Variants in ZC3H14 observed in about 807,000 individuals in gnomAD.
ZC3H14 encodes the protein zinc finger CCCH domain-containing protein 14.
In ZC3H14, 31 loss-of-function variants were observed where a neutral mutation model predicts 92.4. The observed-to-expected ratio is 0.34, with a 90% CI of 0.25 to 0.45. The LOEUF (loss-of-function observed/expected upper bound fraction) is 0.45. ZC3H14 is among the 20% of genes least tolerant of loss of function. The probability of loss-of-function intolerance (pLI) is 1.00; values close to 1 mark genes in which losing one functional copy is unlikely to be tolerated. For synonymous variants in ZC3H14, 321 were observed against 300.9 expected (o/e 1.07, Z -0.69); for missense variants, 781 against 897.3 (o/e 0.87, Z 1.66).
Position 88,612,083 on chromosome 14 carries a change from A to T in ZC3H14, c.*332A>T. On this transcript the variant is annotated 3_prime_UTR_variant, in exon 17 of 17. Transcript: ENST00000251038. Reference sequence around the variant, plus strand: ...ACATCATGGTTAGTCATGGTACTGCAGCTTAGGGGGCTACACGGTTGCTGT... The same window carrying T: ...ACATCATGGTTAGTCATGGTACTGCTGCTTAGGGGGCTACACGGTTGCTGT... 2 of 337,778 alleles carry T rather than the reference A, an allele frequency of 5.9e-6. No individual in the cohort carries two copies. Among genetic ancestry groups the T allele is most frequent in the Non-Finnish European group, 5.5e-6 (1 of 181,924 alleles). 20.9% of individuals were successfully genotyped at this position (337,778 alleles called of 1,614,324 possible).
chr14:88,572,068 G>C lies in ZC3H14; in HGVS notation c.274G>C (p.Asp92His), dbSNP rs758587415. The change falls in exon 5 of 17, where the codon GAT (aspartate) becomes CAT (histidine). Residue 92 changes from aspartate to histidine, a missense_variant. By Grantham distance (81) the Asp-to-His change is moderately conservative. Transcript: ENST00000251038. ...GAAGTCTTCTGATACCAACATCTTT[G>C]ATAGTAACGTGCCTTCAAACAAGAG... ...SLKSSDTNIF[D>H]SNVPSNKSNF... The C allele has an allele frequency of 6.2e-7, 1 of 1,614,104 alleles. No individual in the cohort carries two copies. The highest frequency in any genetic ancestry group is 1.7e-5 in the Admixed American group (1 of 60,014).
intron 12 of ZC3H14, among the ~76,000 whole-genome samples, chr14:88,606,429 G>A (rs892311267): frequency 6.6e-6 from 1 of 152,176 alleles, no homozygotes. Flanking sequence ...GTCTCTGTAA[G>A]TGATGGCATT....
At chr14:88,581,554 C>T (rs2081913342) in intron 9 of ZC3H14, among the ~76,000 whole-genome samples, 2 of 152,004 alleles carry the variant, frequency 1.3e-5, no homozygotes, top group Admixed American at 6.6e-5. Flanking sequence ...GAGTGAGATT[C>T]CGTCTCAAGA....
At chr14:88,607,163 T>G (rs1448290981) in intron 12 of ZC3H14, 80 bp from the exon 13 acceptor site, 1 of 1,603,998 alleles carries the variant, frequency 6.2e-7, no homozygotes, top group Non-Finnish European at 8.5e-7. Context: ...TAAGACAGGT[T>G]TGAGGGAAAT....
intron 12 of ZC3H14, among the ~76,000 whole-genome samples, chr14:88,606,422 T>C (rs1239876153): frequency 6.6e-6 from 1 of 152,184 alleles, no homozygotes; most frequent in Non-Finnish European, 1.5e-5. Flanking sequence ...CTGCCCAGTC[T>C]CTGTAAGTGA....
rs532506660 is a variant in ZC3H14 at position 88,626,723 on chromosome 14, A to G, written c.*14972A>G. On this transcript the variant is annotated 3_prime_UTR_variant, in exon 17 of 17. Coordinates refer to ENST00000251038, the MANE Select transcript of ZC3H14 (RefSeq NM_024824.5). ...GATGAAATATATGCTTGACCAGGGC[A>G]TGTAATGATTAGCAGATCACAGTAT... 93 of 1,001,676 alleles carry G rather than the reference A, an allele frequency of 9.3e-5. No homozygotes were observed. In the Middle Eastern group the frequency reaches 9.5e-4, roughly 10 times the overall value. The allele number at this position is 1,001,676 out of a possible 1,614,324, so 62.0% of individuals were successfully genotyped here. A position where few individuals can be genotyped will look rare whatever the true frequency, so the allele number is the denominator to read the frequency against.
chr14:88,574,569 A>G, intron 6 of ZC3H14, 124 bp from the exon 7 acceptor site: 1 of 1,251,894 alleles, frequency 8.0e-7, no homozygotes, highest in Non-Finnish European at 1.1e-6. Context: ...ACATAAAACC[A>G]AGAAATACTC....
chr14:88,596,672 G>A, intron 9 of ZC3H14, 62 bp from the exon 10 acceptor site: 1 of 1,427,008 alleles, frequency 7.0e-7, no homozygotes. Flanking sequence ...TGATTTTTGG[G>A]AACCACATGC....
chr14:88,607,294 G>A lies in ZC3H14; in HGVS notation c.1799G>A (p.Arg600His), dbSNP rs546666364. The A allele has an allele frequency of 1.9e-6, 3 of 1,613,970 alleles. No homozygotes were observed. The highest frequency in any genetic ancestry group is 1.3e-5 in the African/African-American group (1 of 74,950). Reference sequence around the variant, plus strand: ...CAGAAACCAGAAAAACTTTTGGAGCGCTGCAAGTACTGGCCTGCTTGTAAA... The same window carrying A: ...CAGAAACCAGAAAAACTTTTGGAGCACTGCAAGTACTGGCCTGCTTGTAAA... ...VAQKPEKLLE[R>H]CKYWPACKNG... The change falls in exon 13 of 17, where the codon CGC (arginine) becomes CAC (histidine). Residue 600 changes from arginine (R) to histidine (H), a missense_variant. Arg to His is a conservative substitution (Grantham distance 29). Coordinates refer to ENST00000251038, the MANE Select transcript of ZC3H14 (RefSeq NM_024824.5).
intron 9 of ZC3H14, among the ~76,000 whole-genome samples, chr14:88,578,781 G>GTTGT (rs2081502583): frequency 2.6e-5 from 2 of 76,816 alleles, no homozygotes; most frequent in African/African-American, 1.1e-4. Context: ...TTGCTTCCAG[G>GTTGT]TTTTTTTTTT....
intron 4 of ZC3H14, among the ~76,000 whole-genome samples, chr14:88,571,828 G>A (rs952200789): frequency 1.3e-5 from 2 of 152,150 alleles, no homozygotes; most frequent in African/African-American, 2.4e-5. Context: ...GCCAGGCATC[G>A]TGGCACATGC....
intron 9 of ZC3H14, among the ~76,000 whole-genome samples, chr14:88,583,914 C>T (rs963976337): frequency 1.3e-5 from 2 of 152,186 alleles, no homozygotes; most frequent in African/African-American, 4.8e-5. Context: ...AATTGCCCAA[C>T]ATGATGACAG....
At position 88,618,126 on chromosome 14, in the gene ZC3H14, C is replaced by T. The variant is rs2088047168; in HGVS notation, c.*6375C>T. 1.1e-6 allele frequency: 1 copy of T among 888,272 alleles called. No homozygotes were observed. The highest frequency in any genetic ancestry group is 1.7e-6 in the Non-Finnish European group (1 of 588,916). 55.0% of individuals were successfully genotyped at this position (888,272 alleles called of 1,614,324 possible). ...AATATGGTAACAAAAACTTGAAACT[C>T]AATTACTATTCCTTATTGGAATGGC... On this transcript the variant is annotated 3_prime_UTR_variant, in exon 17 of 17. Coordinates refer to ENST00000251038, the MANE Select transcript of ZC3H14 (RefSeq NM_024824.5).
rs763672297 is a variant in ZC3H14, at chr14:88,607,287, T to G, written c.1792T>G (p.Leu598Val). Reference protein sequence around the residue: ...LSVAQKPEKLLERCKYWPACK... With the variant: ...LSVAQKPEKLVERCKYWPACK... ...TGTGGCACAGAAACCAGAAAAACTT[T>G]TGGAGCGCTGCAAGTACTGGCCTGC... is the stretch of plus-strand genomic sequence containing the variant. The change falls in exon 13 of 17, where the codon TTG becomes GTG. Residue 598 changes from leucine (L) to valine (V), a missense_variant. Coordinates refer to ENST00000251038, the MANE Select transcript of ZC3H14 (RefSeq NM_024824.5). 1.9e-6 allele frequency: 3 copies of G among 1,614,014 alleles called. No homozygotes were observed. Among genetic ancestry groups the G allele is most frequent in the South Asian group, 2.2e-5 (2 of 91,078 alleles).
At chr14:88,592,626 G>A (rs778231797) in intron 9 of ZC3H14, among the ~76,000 whole-genome samples, 2 of 149,432 alleles carry the variant, frequency 1.3e-5, no homozygotes, top group South Asian at 2.1e-4. Flanking sequence ...TCAGCCTCCC[G>A]AGTAGCTGGA....
intron 12 of ZC3H14, among the ~76,000 whole-genome samples, chr14:88,605,168 G>T (rs2085189015): frequency 6.6e-6 from 1 of 152,086 alleles, no homozygotes; most frequent in African/African-American, 2.4e-5. Context: ...CTGGGTTCTT[G>T]TGTATATATT....
chr14:88,563,133 C>A lies in ZC3H14; in HGVS notation c.-1C>A. On this transcript the variant is annotated 5_prime_UTR_variant, in exon 1 of 17. Transcript: ENST00000251038. ...GCTGAGTTCCCGCACGCCGCAGAGC[C>A]ATGGAGATCGGCACCGAGATCAGCC... 6.3e-7 allele frequency: 1 copy of A among 1,597,096 alleles called. No individual in the cohort carries two copies.
At chr14:88,576,588 T>G (rs1384152895) in intron 8 of ZC3H14, among the ~76,000 whole-genome samples, 1 of 152,226 alleles carries the variant, frequency 6.6e-6, no homozygotes, top group East Asian at 1.9e-4. Context: ...TGTTGTCAAA[T>G]TCTGTACTCT....
intron 9 of ZC3H14, chr14:88,594,984 T>A (rs2083611598): frequency 5.6e-6 from 9 of 1,613,916 alleles, no homozygotes; most frequent in Admixed American, 1.7e-5. Flanking sequence ...CTTTGGAGGT[T>A]AAAATGAATG....
Sources: allele counts gnomAD v4.1 joint callset (sites outside exome capture counted in the v4.1 genomes callset), GRCh38; gene constraint gnomAD v4.1.1; transcripts MANE v1.5; gene names NCBI Gene and HGNC (gene_info 2026-07-23, HGNC 2026-07-21).